Variants in KAT6B observed in about 807,000 individuals in gnomAD.
KAT6B encodes the protein lysine acetyltransferase 6B, also known as histone acetyltransferase KAT6B.
In KAT6B, 10 loss-of-function variants were observed where a neutral mutation model predicts 187.5. The observed-to-expected ratio is 0.05, with a 90% CI of 0.03 to 0.09. The LOEUF is 0.09. Among genes scored for constraint, KAT6B ranks in the 10% least tolerant of loss-of-function variants. KAT6B has a pLI of 1.00. For missense variants in KAT6B, 1,952 were observed against 2,558.9 expected (o/e 0.76, Z 5.12); for synonymous variants, 861 against 926.8 (o/e 0.93, Z 1.29).
chr10:74,986,040 A>G (rs563225438), intron 12 of KAT6B, among the ~76,000 whole-genome samples: 2 of 152,280 alleles, frequency 1.3e-5, no homozygotes, highest in Non-Finnish European at 2.9e-5. Context: ...GGGAGACTCC[A>G]TCTCAAAAAC....
At chr10:74,848,734 A>G (rs908776402) in intron 3 of KAT6B, among the ~76,000 whole-genome samples, 1 of 152,172 alleles carries the variant, frequency 6.6e-6, no homozygotes, top group Admixed American at 6.5e-5. Context: ...TGAGTTTCTT[A>G]TACTAAATCA....
At chr10:74,922,208 A>C (rs1201391591) in intron 3 of KAT6B, among the ~76,000 whole-genome samples, 1 of 152,228 alleles carries the variant, frequency 6.6e-6, no homozygotes, top group East Asian at 1.9e-4. Context: ...GTTTGAATAT[A>C]AGGATGGCTT....
intron 1 of KAT6B, among the ~76,000 whole-genome samples, chr10:74,828,637 G>C (rs913800640): frequency 7.1e-6 from 1 of 140,606 alleles, no homozygotes; most frequent in African/African-American, 2.7e-5. Flanking sequence ...GCGCCATCTC[G>C]GCTCACTGCA....
chr10:74,939,645 C>T (rs904805401), intron 3 of KAT6B, among the ~76,000 whole-genome samples: 19 of 152,130 alleles, frequency 1.2e-4, no homozygotes, highest in African/African-American at 4.3e-4. Context: ...GTGATTCGCC[C>T]GCCTCGGCCT....
intron 3 of KAT6B, among the ~76,000 whole-genome samples, chr10:74,905,990 T>G (rs566455299): frequency 1.4e-3 from 219 of 152,228 alleles, no homozygotes; most frequent in African/African-American, 5.2e-3. Context: ...GTAGAAAAAT[T>G]GGTTTAATAA....
intron 1 of KAT6B, among the ~76,000 whole-genome samples, chr10:74,827,779 G>A (rs1046632701): frequency 1.3e-5 from 2 of 152,124 alleles, no homozygotes; most frequent in Admixed American, 6.5e-5. Flanking sequence ...GGATGGGGCA[G>A]AGAAAGGTGT....
At chr10:74,953,506 G>A (rs982424952) in intron 3 of KAT6B, among the ~76,000 whole-genome samples, 1 of 152,168 alleles carries the variant, frequency 6.6e-6, no homozygotes, top group Non-Finnish European at 1.5e-5. Context: ...TTAGAGAGCA[G>A]CGTTTAAATC....
At chr10:74,999,600 C>A (rs1843688420) in intron 13 of KAT6B, among the ~76,000 whole-genome samples, 2 of 152,194 alleles carry the variant, frequency 1.3e-5, no homozygotes, top group South Asian at 4.1e-4. Flanking sequence ...AGTATTTCAA[C>A]AGTAACAGTC....
intron 4 of KAT6B, among the ~76,000 whole-genome samples, chr10:74,960,335 A>G (rs1041700126): frequency 1.3e-5 from 2 of 152,160 alleles, no homozygotes; most frequent in Non-Finnish European, 2.9e-5. Context: ...AGCATTGGTA[A>G]TTCAGTGTGG....
At chr10:75,015,191 A>G (rs1361262919) in intron 13 of KAT6B, among the ~76,000 whole-genome samples, 1 of 152,228 alleles carries the variant, frequency 6.6e-6, no homozygotes, top group Non-Finnish European at 1.5e-5. Flanking sequence ...AAGTTCTTAT[A>G]TAATTATGTC....
chr10:74,876,801 T>C (rs1464031764), intron 3 of KAT6B, among the ~76,000 whole-genome samples: 2 of 151,770 alleles, frequency 1.3e-5, no homozygotes, highest in Non-Finnish European at 2.9e-5. Context: ...TAGTCTCAGC[T>C]ACTCGGGAGG....
intron 3 of KAT6B, among the ~76,000 whole-genome samples, chr10:74,959,697 G>T (rs913954769): frequency 6.6e-6 from 1 of 152,202 alleles, no homozygotes; most frequent in Non-Finnish European, 1.5e-5. Context: ...GGCTGAGGCA[G>T]GGGAATCGCT....
At chr10:74,969,620 G>A (rs1188000611) in intron 4 of KAT6B, 40 bp from the exon 5 acceptor site, 2 of 1,195,396 alleles carry the variant, frequency 1.7e-6, no homozygotes, top group South Asian at 2.4e-5. Context: ...AAAGTCAAAG[G>A]CACCATTCCC....
At chr10:74,927,452 CTTTT>C (rs11479404) in intron 3 of KAT6B, among the ~76,000 whole-genome samples, 3 of 116,682 alleles carry the variant, frequency 2.6e-5, no homozygotes, top group African/African-American at 3.4e-5. Context: ...TGCAAGAAAC[CTTTT>C]TTTTTTTTTT....
chr10:74,914,161 G>GA (rs1847467634), intron 3 of KAT6B, among the ~76,000 whole-genome samples: 1 of 151,614 alleles, frequency 6.6e-6, no homozygotes, highest in African/African-American at 2.4e-5. Flanking sequence ...ACTCCAGCCT[G>GA]GGTGACAGAG....
At chr10:74,940,025 G>A (rs1827367022) in intron 3 of KAT6B, among the ~76,000 whole-genome samples, 1 of 151,910 alleles carries the variant, frequency 6.6e-6, no homozygotes, top group Non-Finnish European at 1.5e-5. Flanking sequence ...GGTGTTATTT[G>A]TGTGTGTGTG....
intron 7 of KAT6B, 60 bp downstream of exon 7, chr10:74,972,699 GT>G: frequency 6.8e-7 from 1 of 1,461,686 alleles, no homozygotes; most frequent in Non-Finnish European, 9.6e-7. Flanking sequence ...ATAGGTGATT[GT>G]TATTCTCTCA....
chr10:74,976,975 A>T (rs1164676479), intron 8 of KAT6B: 2 of 291,556 alleles, frequency 6.9e-6, no homozygotes, highest in Non-Finnish European at 1.3e-5. Flanking sequence ...AGAATTTATT[A>T]TCTCAAAAGT....
chr10:75,029,488 A>G lies in KAT6B; in HGVS notation c.4664A>G (p.Gln1555Arg). The G allele has an allele frequency of 6.2e-7, 1 of 1,614,200 alleles. No homozygotes were observed. Among genetic ancestry groups the G allele is most frequent in the East Asian group, 2.2e-5 (1 of 44,870 alleles). The change falls in exon 18 of 18, where the codon CAG becomes CGG. Residue 1555 changes from glutamine (Q) to arginine (R), a missense_variant. Around this residue, in one of 9 missense-constraint regions of KAT6B, gnomAD observed 758 missense variants for 891.4 expected, o/e 0.85. Coordinates refer to ENST00000287239, the MANE Select transcript of KAT6B (RefSeq NM_012330.4). The surrounding 1 kb of genome is among the most constrained non-coding windows in gnomAD (Gnocchi z 6.2). ...TCTTTGACCCAGGAGAGCAGCGAACAGGACGACACCTTTCAGGATTGTGCC... is the reference window on the plus strand; with the variant it reads ...TCTTTGACCCAGGAGAGCAGCGAACGGGACGACACCTTTCAGGATTGTGCC... ...VQSLTQESSEQDDTFQDCAET... is the reference protein window; with the variant it reads ...VQSLTQESSERDDTFQDCAET...
Sources: gnomAD v4.1 joint callset for allele counts (sites outside exome capture counted in the v4.1 genomes callset) on GRCh38, gnomAD v4.1.1 for gene constraint, gnomAD v4.1.1 regional missense constraint, Gnocchi (gnomAD v3.1) non-coding constraint, MANE v1.5 for transcripts, NCBI Gene and HGNC (gene_info 2026-07-23, HGNC 2026-07-21) for gene names.